Variants in PRKCE observed in about 807,000 individuals in gnomAD.
PRKCE encodes the protein protein kinase C epsilon type.
PRKCE carries 16 observed loss-of-function variants against 85.4 expected under a neutral mutation model. The observed-to-expected ratio is 0.19, with a 90% CI of 0.13 to 0.28. The LOEUF (loss-of-function observed/expected upper bound fraction) is 0.28, where lower values mean the gene tolerates loss of function less well. Ranked by LOEUF, PRKCE falls within the 10% of genes least tolerant of loss-of-function variation. The pLI is 1.00. For missense variants in PRKCE, 573 were observed against 975.2 expected, an observed-to-expected ratio of 0.59 and a Z score of 5.49; for synonymous variants, 388 against 371.5, an observed-to-expected ratio of 1.04 and a Z score of -0.51.
At chr2:46,002,639 A>G (rs1001189614) in intron 7 of PRKCE, among the ~76,000 whole-genome samples, 1 of 152,210 alleles carries the variant, frequency 6.6e-6, no homozygotes, top group Non-Finnish European at 1.5e-5. Context: ...TCTGGTTGAG[A>G]TAACTGAGAC....
intron 1 of PRKCE, among the ~76,000 whole-genome samples, chr2:45,805,596 CTTTTT>C (rs529307964): frequency 7.0e-6 from 1 of 142,606 alleles, no homozygotes; most frequent in Non-Finnish European, 1.5e-5. Flanking sequence ...TTACCTTCCT[CTTTTT>C]TTTTTTTTTT....
chr2:45,912,574 C>T (rs777053115), intron 2 of PRKCE, among the ~76,000 whole-genome samples: 6 of 152,114 alleles, frequency 3.9e-5, no homozygotes, highest in Non-Finnish European at 7.4e-5. Context: ...CTGACAGCTC[C>T]TGGCAGTTGA....
chr2:45,719,037 G>A (rs1359131747), intron 1 of PRKCE, among the ~76,000 whole-genome samples: 1 of 152,212 alleles, frequency 6.6e-6, no homozygotes, highest in Non-Finnish European at 1.5e-5. Context: ...TAAAACTTGT[G>A]GAGTAATTCT....
chr2:45,917,762 C>T (rs915067034), intron 2 of PRKCE, among the ~76,000 whole-genome samples: 1 of 152,200 alleles, frequency 6.6e-6, no homozygotes. Context: ...CGGGAGCTCA[C>T]GGTCGGGGGT....
At chr2:45,799,863 C>G (rs535768640) in intron 1 of PRKCE, among the ~76,000 whole-genome samples, 22 of 152,276 alleles carry the variant, frequency 1.4e-4, no homozygotes, top group Admixed American at 9.2e-4. Context: ...CCAGCAGAGG[C>G]AGGATCAGGA....
chr2:45,669,735 G>T (rs1400946731), intron 1 of PRKCE, among the ~76,000 whole-genome samples: 3 of 152,182 alleles, frequency 2.0e-5, no homozygotes, highest in Non-Finnish European at 4.4e-5. Context: ...TATCGGCCGG[G>T]CATGGTGGCT....
chr2:45,664,294 A>G (rs1365628526), intron 1 of PRKCE, among the ~76,000 whole-genome samples: 1 of 152,222 alleles, frequency 6.6e-6, no homozygotes, highest in Non-Finnish European at 1.5e-5. Flanking sequence ...ATCTAGTTTT[A>G]TCAGTTTTGG....
chr2:45,811,149 G>A (rs897453552), intron 1 of PRKCE, among the ~76,000 whole-genome samples: 1 of 152,162 alleles, frequency 6.6e-6, no homozygotes, highest in African/African-American at 2.4e-5. Context: ...ACAGGAGAAG[G>A]GGAATACAGA....
chr2:45,755,003 C>T (rs550415710), intron 1 of PRKCE, among the ~76,000 whole-genome samples: 3 of 152,222 alleles, frequency 2.0e-5, no homozygotes, highest in Non-Finnish European at 4.4e-5. Flanking sequence ...GGCGTAGATA[C>T]TGCAAGTAAT....
intron 1 of PRKCE, among the ~76,000 whole-genome samples, chr2:45,757,342 A>G (rs1684099056): frequency 6.8e-6 from 1 of 146,332 alleles, no homozygotes; most frequent in Non-Finnish European, 1.5e-5. Context: ...AGAGTGTTCA[A>G]TTGATTGTGG....
chr2:46,125,138 T>G (rs1016301881), intron 11 of PRKCE, among the ~76,000 whole-genome samples: 1 of 152,202 alleles, frequency 6.6e-6, no homozygotes, highest in Non-Finnish European at 1.5e-5. Flanking sequence ...ATCTAATTGA[T>G]TTACAGTTAC....
chr2:46,161,256 TA>T (rs1474758460), intron 14 of PRKCE, among the ~76,000 whole-genome samples: 3 of 152,274 alleles, frequency 2.0e-5, no homozygotes, highest in Admixed American at 2.0e-4. Flanking sequence ...GTGCCCCTGG[TA>T]AAATAGGGGA....
At chr2:46,058,489 A>G (rs1666814960) in intron 10 of PRKCE, among the ~76,000 whole-genome samples, 1 of 152,242 alleles carries the variant, frequency 6.6e-6, no homozygotes, top group Non-Finnish European at 1.5e-5. Flanking sequence ...TTTAAATCCC[A>G]TAAACCTGGC....
At chr2:46,038,261 GT>G (rs1160331117) in intron 10 of PRKCE, among the ~76,000 whole-genome samples, 7 of 152,180 alleles carry the variant, frequency 4.6e-5, no homozygotes, top group African/African-American at 1.7e-4. Context: ...CACTATTGCA[GT>G]TAGGGAAGAC....
chr2:45,830,293 CGA>C (rs71912599), intron 1 of PRKCE, among the ~76,000 whole-genome samples: 90,220 of 146,032 alleles, frequency 0.62, 28,539 homozygotes, highest in African/African-American at 0.79. Context: ...CAAAAACAAA[CGA>C]GAGAGAGAGA....
At chr2:45,963,208 T>C (rs1315674220) in intron 2 of PRKCE, among the ~76,000 whole-genome samples, 1 of 152,188 alleles carries the variant, frequency 6.6e-6, no homozygotes, top group Non-Finnish European at 1.5e-5. Context: ...GAGTAGATTG[T>C]GTTATGTAAA....
At position 46,081,612 on chromosome 2, in the gene PRKCE, C is replaced by T. The variant is rs544857370; in HGVS notation, c.1438-4596C>T. Among the ~76,000 whole-genome samples the T allele has an allele frequency of 2.4e-4, 36 of 152,236 alleles. 1 individual carries two copies. The highest frequency in any genetic ancestry group is 8.2e-4 in the African/African-American group (34 of 41,556). On this transcript the variant is annotated intron_variant, in intron 10 of 14. Transcript: ENST00000306156. ...CTTCCTGGGAGAAAAGATGGTTGTG[C>T]TGAGATCTGAAGGGTGAGGAGGGGA...
At chr2:45,682,490 G>A (rs530396404) in intron 1 of PRKCE, among the ~76,000 whole-genome samples, 5 of 152,108 alleles carry the variant, frequency 3.3e-5, no homozygotes, top group Admixed American at 1.3e-4. Context: ...GCAGTGGCAC[G>A]ATCTTGGCTG....
chr2:45,998,264 G>A (rs1704378022), intron 6 of PRKCE, among the ~76,000 whole-genome samples: 1 of 152,122 alleles, frequency 6.6e-6, no homozygotes, highest in Non-Finnish European at 1.5e-5. Flanking sequence ...GTTTATTTTT[G>A]AATAAAGGGG....
Sources: allele counts gnomAD v4.1 joint callset (sites outside exome capture counted in the v4.1 genomes callset), GRCh38; gene constraint gnomAD v4.1.1; transcripts MANE v1.5; gene names NCBI Gene and HGNC (gene_info 2026-07-23, HGNC 2026-07-21).